The following SYTL5 variants were observed in gnomAD, a reference collection of about 807,000 sequenced individuals.
SYTL5 encodes synaptotagmin-like protein 5.
Under a neutral mutation model 55.9 loss-of-function variants are expected in SYTL5, and 34 were observed. The ratio of observed to expected loss-of-function variants is 0.61; its 90% CI spans 0.46 to 0.81. SYTL5 has a LOEUF of 0.81. Among genes scored for constraint, SYTL5 ranks in the 30% least tolerant of loss-of-function variants. The pLI, the probability that SYTL5 is intolerant of heterozygous loss-of-function variation, is 0.00. For synonymous variants in SYTL5, 221 were observed against 188.7 expected, an observed-to-expected ratio of 1.17 and a Z score of -1.40; for missense variants, 637 against 546.7, an observed-to-expected ratio of 1.17 and a Z score of -1.65.
intron 2 of SYTL5, among the ~76,000 whole-genome samples, chrX:38,037,008 G>T (rs890661015): frequency 2.7e-5 from 3 of 111,654 alleles, no homozygotes; most frequent in African/African-American, 9.8e-5. Context: ...GCTCTACTCA[G>T]ATCCCCTGGA....
At chrX:38,053,517 G>T (rs1003695105) in intron 2 of SYTL5, among the ~76,000 whole-genome samples, 17 of 112,446 alleles carry the variant, frequency 1.5e-4, no homozygotes, top group African/African-American at 5.5e-4. Context: ...TAGGCTAATA[G>T]AAATTGTTGG....
At chrX:37,960,463 T>C in the SYTL5 span, among the ~76,000 whole-genome samples, 1 of 112,296 alleles carries the variant, frequency 8.9e-6, no homozygotes. Flanking sequence ...AGTTCATCAC[T>C]CTTAAATTCT....
At chrX:38,122,985 G>A (rs1250529486) in intron 15 of SYTL5, among the ~76,000 whole-genome samples, 1 of 112,509 alleles carries the variant, frequency 8.9e-6, no homozygotes, top group Non-Finnish European at 1.9e-5. Flanking sequence ...AAGCACATAA[G>A]GTAAAACAAA....
intron 2 of SYTL5, among the ~76,000 whole-genome samples, chrX:38,039,716 T>C (rs1935222433): frequency 1.8e-5 from 2 of 111,869 alleles, no homozygotes; most frequent in South Asian, 7.4e-4. Context: ...TCTGCACATG[T>C]TTTCTTTGGC....
At chrX:37,915,754 T>C in the SYTL5 span, among the ~76,000 whole-genome samples, 6 of 111,551 alleles carry the variant, frequency 5.4e-5, no homozygotes, top group Non-Finnish European at 1.1e-4. Context: ...CATTTTTTTT[T>C]CCCATCCAAG....
the SYTL5 span, among the ~76,000 whole-genome samples, chrX:37,973,770 G>A: frequency 9.0e-5 from 10 of 110,509 alleles, no homozygotes; most frequent in Middle Eastern, 9.3e-3. Flanking sequence ...GAGTAGCTGG[G>A]ATTACAGGCA....
chrX:37,990,752 T>C, the SYTL5 span: 1 of 1,101,041 alleles, frequency 9.1e-7, no homozygotes, highest in Non-Finnish European at 1.2e-6. Flanking sequence ...AGGGATACAA[T>C]AGGCAGGACT....
At chrX:38,125,757 G>T (rs1177347783) in intron 16 of SYTL5, among the ~76,000 whole-genome samples, 1 of 111,793 alleles carries the variant, frequency 8.9e-6, no homozygotes, top group Non-Finnish European at 1.9e-5. Flanking sequence ...TCATAGACTA[G>T]CATTTACACC....
chrX:37,997,696 G>C, the SYTL5 span, among the ~76,000 whole-genome samples: 1 of 112,485 alleles, frequency 8.9e-6, no homozygotes, highest in Non-Finnish European at 1.9e-5. Context: ...CCTACAGCCT[G>C]GGTGCCATGA....
the SYTL5 span, among the ~76,000 whole-genome samples, chrX:37,898,853 G>A: frequency 1.8e-5 from 2 of 111,992 alleles, no homozygotes; most frequent in Non-Finnish European, 3.8e-5. Flanking sequence ...TTATAGATGA[G>A]GAATCAGAAA....
chrX:37,990,599 T>A, the SYTL5 span, among the ~76,000 whole-genome samples: 1 of 112,065 alleles, frequency 8.9e-6, no homozygotes, highest in Non-Finnish European at 1.9e-5. Flanking sequence ...AAATCAAGGT[T>A]CAGTCATTAG....
chrX:37,998,162 T>C, the SYTL5 span, among the ~76,000 whole-genome samples: 10 of 112,429 alleles, frequency 8.9e-5, no homozygotes, highest in African/African-American at 3.2e-4. Flanking sequence ...CCCCTTCATC[T>C]TTCTCACCCT....
chrX:38,115,802 G>C (rs1328216663), intron 13 of SYTL5, among the ~76,000 whole-genome samples: 1 of 111,624 alleles, frequency 9.0e-6, no homozygotes, highest in African/African-American at 3.3e-5. Context: ...TGAATTGCTT[G>C]AGTTCCTCAT....
chrX:37,935,076 A>C, the SYTL5 span, among the ~76,000 whole-genome samples: 1 of 112,553 alleles, frequency 8.9e-6, no homozygotes, highest in South Asian at 3.7e-4. Context: ...AACTGTCATC[A>C]TGAAGAGAAA....
the SYTL5 span, among the ~76,000 whole-genome samples, chrX:37,970,608 C>T: frequency 0.18 from 20,152 of 110,597 alleles, 1,725 homozygotes; most frequent in Non-Finnish European, 0.26. Context: ...AGCATTTATC[C>T]TGTTACGTTT....
intron 16 of SYTL5, among the ~76,000 whole-genome samples, chrX:38,125,817 G>T (rs1937632978): frequency 8.9e-6 from 1 of 111,750 alleles, no homozygotes; most frequent in African/African-American, 3.3e-5. Flanking sequence ...TTCATATTTT[G>T]CTCAGGGGAT....
At chrX:37,968,166 C>G in the SYTL5 span, among the ~76,000 whole-genome samples, 1 of 110,344 alleles carries the variant, frequency 9.1e-6, no homozygotes, top group Non-Finnish European at 1.9e-5. Flanking sequence ...GTTCCTTGTT[C>G]TGGAATATAT....
At chrX:37,959,216 G>T in the SYTL5 span, among the ~76,000 whole-genome samples, 1 of 111,658 alleles carries the variant, frequency 9.0e-6, no homozygotes, top group Non-Finnish European at 1.9e-5. Flanking sequence ...TAGCTATGGG[G>T]ATCTGCCCGC....
At chrX:37,971,721 T>G in the SYTL5 span, among the ~76,000 whole-genome samples, 1 of 111,509 alleles carries the variant, frequency 9.0e-6, no homozygotes, top group Non-Finnish European at 1.9e-5. Context: ...TACTTCCATT[T>G]TATATAACTC....
Sources: allele counts gnomAD v4.1 joint callset (sites outside exome capture counted in the v4.1 genomes callset), GRCh38; gene constraint gnomAD v4.1.1; transcripts MANE v1.5; gene names NCBI Gene and HGNC (gene_info 2026-07-23, HGNC 2026-07-21).